ZNF683: variants seen among roughly 807,000 people sequenced by gnomAD.
ZNF683 encodes the protein tissue-resident T-cell transcription regulator protein ZNF683.
A neutral mutation model predicts 31.4 loss-of-function variants in ZNF683; 20 were observed. That is an observed-to-expected ratio of 0.64 (90% CI 0.45 to 0.93). The LOEUF is 0.93. Among genes scored for constraint, ZNF683 ranks in the 40% least tolerant of loss-of-function variants. The pLI, the probability that ZNF683 is intolerant of heterozygous loss-of-function variation, is 0.00. For missense variants in ZNF683, 621 were observed against 637.2 expected (o/e 0.97, Z 0.27); for synonymous variants, 264 against 267.6 (o/e 0.99, Z 0.13).
chr1:26,365,581 CAAT>C (rs1417417840), intron 3 of ZNF683, among the ~76,000 whole-genome samples: 2 of 152,310 alleles, frequency 1.3e-5, no homozygotes, highest in East Asian at 3.9e-4. Context: ...ACATTAATTA[CAAT>C]GATTCTAATA....
At chr1:26,370,686 A>G (rs1412635391) in intron 1 of ZNF683, 14 of 985,632 alleles carry the variant, frequency 1.4e-5, no homozygotes, top group Non-Finnish European at 1.7e-5. Flanking sequence ...GTGCTGCAGC[A>G]GTGCTCCTGG....
Position 26,367,791 on chromosome 1 carries a change from A to C in ZNF683, c.121T>G (p.Ser41Ala), listed in dbSNP as rs747422520. ...FQLFRGDQVF[S>A]ACRPLPDMVD... ...ATGTCTGGAAGTGGTCTGCAGGCTG[A>C]GAAGACCTGGAGGGCAGGGGCAAGG... The change falls in exon 3 of 6, where the codon TCA (serine) becomes GCA (alanine). Residue 41 changes from serine (S) to alanine (A), a missense_variant. By Grantham distance (99) the Ser-to-Ala change is moderately conservative. Coordinates refer to ENST00000349618, the MANE Select transcript of ZNF683 (RefSeq NM_001114759.3). The C allele has an allele frequency of 6.9e-6, 11 of 1,587,254 alleles. No individual in the cohort carries two copies. In the East Asian group the frequency reaches 2.3e-4, roughly 33 times the overall value.
intron 4 of ZNF683, 85 bp from the exon 5 acceptor site, chr1:26,363,239 T>C: frequency 6.7e-7 from 1 of 1,485,668 alleles, no homozygotes; most frequent in Non-Finnish European, 9.1e-7. Flanking sequence ...TGCCCACTTC[T>C]CTCTCCCTCC....
Position 26,361,702 on chromosome 1 carries a change from G to A in ZNF683, c.1464C>T (p.Ser488=). ...CCAGGGGAGTCCCGGCACTGCTCAG[G>A]CTCACTGCTCTTGCTTTCCCCTGGG... ...STSQGKARAV[S]LSSAGTPLVM... Residue 488 remains serine, a synonymous_variant, in exon 6 of 6, where the codon AGC becomes AGT. Transcript: ENST00000349618. 6.2e-7 allele frequency: 1 copy of A among 1,614,014 alleles called. No individual in the cohort carries two copies. The highest frequency in any genetic ancestry group is 8.5e-7 in the Non-Finnish European group (1 of 1,179,892).
chr1:26,369,970 G>C (rs558983426), intron 1 of ZNF683, among the ~76,000 whole-genome samples: 1 of 151,718 alleles, frequency 6.6e-6, no homozygotes, highest in East Asian at 2.0e-4. Context: ...CTCTAGCCTG[G>C]GCGAGGATAG....
At chr1:26,368,996 G>T (rs2074599125) in intron 1 of ZNF683, among the ~76,000 whole-genome samples, 1 of 152,022 alleles carries the variant, frequency 6.6e-6, no homozygotes, top group Admixed American at 6.6e-5. Context: ...TGTAATCCCA[G>T]CACTTTGGGA....
intron 4 of ZNF683, among the ~76,000 whole-genome samples, chr1:26,363,791 T>C (rs943326679): frequency 3.4e-5 from 5 of 149,174 alleles, no homozygotes; most frequent in African/African-American, 1.2e-4. Flanking sequence ...CTCTGGAGGC[T>C]GAGGTGGGAG....
chr1:26,372,865 G>A (rs777178209), upstream of ZNF683: 35 of 1,167,060 alleles, frequency 3.0e-5, no homozygotes, highest in Non-Finnish European at 3.7e-5. Context: ...GGAGACGAGA[G>A]CAAGGAAGGG....
chr1:26,370,970 T>G lies in ZNF683; in HGVS notation c.-15+1699A>C, dbSNP rs1343912782. ...ATGTGTGTGTGAGGGGGGCGGGCTGTTATTTCTGTTCTCAAAGTACCCAGA... is the reference window on the plus strand; with the variant it reads ...ATGTGTGTGTGAGGGGGGCGGGCTGGTATTTCTGTTCTCAAAGTACCCAGA... On this transcript the variant is annotated intron_variant, in intron 1 of 5. Transcript: ENST00000349618. Among the ~76,000 whole-genome samples the G allele has an allele frequency of 2.0e-5, 3 of 152,104 alleles. No individual in the cohort carries two copies. The East Asian group carries it at 5.8e-4, about 29-fold the overall frequency.
chr1:26,362,511 A>T (rs970682399), intron 5 of ZNF683, among the ~76,000 whole-genome samples: 8 of 152,178 alleles, frequency 5.3e-5, no homozygotes, highest in Non-Finnish European at 4.4e-5. Flanking sequence ...AGAGGAGTGA[A>T]GCCACTAGCC....
At chr1:26,362,237 A>G (rs1218753753) in intron 5 of ZNF683, 2 of 1,513,994 alleles carry the variant, frequency 1.3e-6, no homozygotes, top group Admixed American at 3.9e-5. Context: ...TGACCTTGTA[A>G]AAGTAACTTC....
In ZNF683 at chr1:26,367,815, G is replaced by A. The variant is rs773424794; in HGVS notation, c.115-18C>T. 1.0e-5 allele frequency: 16 copies of A among 1,531,726 alleles called. No homozygotes were observed. In the Admixed American group the frequency reaches 2.0e-4, roughly 19 times the overall value. The allele number at this position is 1,531,726 out of a possible 1,614,324, so 94.9% of individuals were successfully genotyped here. On this transcript the variant is annotated intron_variant, in intron 2 of 5. Coordinates refer to ENST00000349618, the MANE Select transcript of ZNF683 (RefSeq NM_001114759.3). ...GAGAAGACCTGGAGGGCAGGGGCAA[G>A]GGGCTTGGGGGCTGGTGACTGGGAC...
intron 1 of ZNF683, among the ~76,000 whole-genome samples, chr1:26,371,010 G>A (rs1368847611): frequency 1.3e-5 from 2 of 152,312 alleles, no homozygotes; most frequent in East Asian, 1.9e-4. Context: ...TGGACGGGAG[G>A]ACAGAGTAGG....
intron 1 of ZNF683, among the ~76,000 whole-genome samples, chr1:26,369,913 G>A (rs1238209978): frequency 2.6e-5 from 4 of 152,106 alleles, no homozygotes; most frequent in Admixed American, 6.6e-5. Context: ...AAGATTGCTT[G>A]AGCCTGGAAG....
chr1:26,371,145 C>A (rs2074660216), intron 1 of ZNF683, among the ~76,000 whole-genome samples: 1 of 152,100 alleles, frequency 6.6e-6, no homozygotes, highest in Non-Finnish European at 1.5e-5. Flanking sequence ...GAGACAAGAA[C>A]AGGCAACATA....
Position 26,367,477 on chromosome 1 carries a change from G to A in ZNF683, c.319+116C>T, listed in dbSNP as rs2074550436. 3 of 1,158,640 alleles carry A rather than the reference G, an allele frequency of 2.6e-6. No homozygotes were observed. In the South Asian group the frequency reaches 5.1e-5, roughly 20 times the overall value. The allele number at this position is 1,158,640 out of a possible 1,614,324, so 71.8% of individuals were successfully genotyped here. On this transcript the variant is annotated intron_variant, in intron 3 of 5. Transcript: ENST00000349618. ...AAATGTGGAAGTAAAGTGTGCCTAA[G>A]CTCTGTCTTCATCAGTGACACTGCG...
chr1:26,364,364 G>A (rs1343037583), intron 4 of ZNF683, among the ~76,000 whole-genome samples, 168 bp downstream of exon 4: 3 of 152,106 alleles, frequency 2.0e-5, no homozygotes, highest in South Asian at 2.1e-4. Flanking sequence ...TTTGGTGGCC[G>A]TCTTATCCGA....
At chr1:26,370,177 G>T (rs923348669) in intron 1 of ZNF683, among the ~76,000 whole-genome samples, 1 of 152,080 alleles carries the variant, frequency 6.6e-6, no homozygotes, top group African/African-American at 2.4e-5. Flanking sequence ...GCTGAGAGGG[G>T]TCCCTGACTC....
Position 26,363,006 on chromosome 1 carries a change from T to A in ZNF683, c.1143+20A>T. 6.2e-7 allele frequency: 1 copy of A among 1,600,396 alleles called. No homozygotes were observed. Among genetic ancestry groups the A allele is most frequent in the Non-Finnish European group, 8.5e-7 (1 of 1,172,286 alleles). On this transcript the variant is annotated intron_variant, in intron 5 of 5. Transcript: ENST00000349618. ...CTCTCCAGCCTATAGGAGTACATAG[T>A]AGGGGGAGAAGGATCTCACCGAGCA...
Sources: allele counts gnomAD v4.1 joint callset (sites outside exome capture counted in the v4.1 genomes callset), GRCh38; gene constraint gnomAD v4.1.1; transcripts MANE v1.5; gene names NCBI Gene and HGNC (gene_info 2026-07-23, HGNC 2026-07-21).